Variants in RBL2 observed in about 807,000 individuals in gnomAD.
RBL2 encodes retinoblastoma-like protein 2.
In RBL2, 56 loss-of-function variants were observed where a neutral mutation model predicts 126.0. The ratio of observed to expected loss-of-function variants is 0.44; its 90% confidence interval spans 0.36 to 0.56. The LOEUF (loss-of-function observed/expected upper bound fraction) is 0.56. RBL2 is among the 20% of genes least tolerant of loss of function. The pLI is 0.00. For synonymous variants in RBL2, 454 were observed against 478.5 expected, an observed-to-expected ratio of 0.95 and a Z score of 0.67; for missense variants, 1,229 against 1,398.2, an observed-to-expected ratio of 0.88 and a Z score of 1.93.
intron 6 of RBL2, 29 bp from the exon 7 acceptor site, chr16:53,453,676 C>T (rs760742069): frequency 2.4e-5 from 38 of 1,603,388 alleles, no homozygotes; most frequent in African/African-American, 1.3e-4. Context: ...TTTAACATGA[C>T]GACTTAAGGA....
rs780168032 is a variant in RBL2, at chr16:53,464,294, TTA to T, written c.1632_1633del (p.Tyr544Ter). ...ACCLEVVTFS[Y>X]KPPGNFPFIT... The stretch of plus-strand genomic sequence containing the variant: ...GCTGCCTTGAGGTCGTCACTTTTTC[TTA>T]TAAGCCTCCTGGGAATTTTCCATTT... On this transcript the variant is annotated frameshift_variant, in exon 12 of 22. Transcript: ENST00000262133. LOFTEE classifies it high-confidence loss of function. 1 of 1,599,544 alleles carries T rather than the reference TTA, an allele frequency of 6.3e-7. No individual in the cohort carries two copies. The highest frequency in any genetic ancestry group is 8.6e-7 in the Non-Finnish European group (1 of 1,167,216).
intron 17 of RBL2, among the ~76,000 whole-genome samples, chr16:53,477,566 GA>G (rs1160670625): frequency 1.3e-5 from 2 of 151,954 alleles, no homozygotes; most frequent in African/African-American, 4.8e-5. Flanking sequence ...GGCTGGTGTC[GA>G]ACTCCTGGCC....
chr16:53,455,426 G>A (rs80092732), intron 8 of RBL2, among the ~76,000 whole-genome samples: 279 of 152,336 alleles, frequency 1.8e-3, no homozygotes, highest in African/African-American at 6.4e-3. Context: ...TCAGACTTGA[G>A]ACTGGTCTGC....
chr16:53,477,369 G>C (rs1482972660), intron 17 of RBL2, among the ~76,000 whole-genome samples: 1 of 151,924 alleles, frequency 6.6e-6, no homozygotes, highest in African/African-American at 2.4e-5. Flanking sequence ...ACTGAGTCTT[G>C]CTCTGTCGCC....
intron 17 of RBL2, among the ~76,000 whole-genome samples, chr16:53,474,638 T>C (rs1960657637): frequency 6.6e-6 from 1 of 152,182 alleles, no homozygotes; most frequent in Non-Finnish European, 1.5e-5. Flanking sequence ...TATATGTTGC[T>C]AGGTTTGGTT....
chr16:53,467,151 A>T lies in RBL2; in HGVS notation c.1957A>T (p.Thr653Ser), dbSNP rs1332346820. ...PRRVTEVRAD[T>S]GGLGRSITSP... is the part of the protein sequence containing the mutation. The stretch of plus-strand genomic sequence containing the variant: ...AAGGGTGACTGAAGTTCGTGCTGAT[A>T]CTGGAGGACTTGGAAGGAGTAAGTT... Residue 653 changes from threonine to serine, a missense_variant, in exon 14 of 22, where the codon ACT becomes TCT. By Grantham distance (58) the Thr-to-Ser change is moderately conservative. Transcript: ENST00000262133. 9 of 1,612,842 alleles carry T rather than the reference A, an allele frequency of 5.6e-6. No individual in the cohort carries two copies. The highest frequency in any genetic ancestry group is 7.6e-6 in the Non-Finnish European group (9 of 1,179,126).
At position 53,454,762 on chromosome 16, in the gene RBL2, A is replaced by AGGTGTC; in HGVS notation, c.1100_1105dup (p.Arg367_Cys368dup). On this transcript the variant is annotated inframe_insertion, in exon 8 of 22. Transcript: ENST00000262133. ...TGAGGAGGAAATTGGGACTCTCTCA[A>AGGTGTC]GGTGTCTGAACGCTGGTTCAGGAAC... 6.2e-7 allele frequency: 1 copy of AGGTGTC among 1,614,124 alleles called. No individual in the cohort carries two copies. Among genetic ancestry groups the AGGTGTC allele is most frequent in the Non-Finnish European group, 8.5e-7 (1 of 1,179,994 alleles).
In RBL2 at chr16:53,481,843, T is replaced by G. The variant is rs745751868; in HGVS notation, c.3249+8T>G. 2 of 1,567,998 alleles carry G rather than the reference T, an allele frequency of 1.3e-6. No homozygotes were observed. Among genetic ancestry groups the G allele is most frequent in the South Asian group, 2.2e-5 (2 of 90,170 alleles). On this transcript the variant is annotated splice_region_variant and intron_variant, in intron 21 of 21. Coordinates refer to ENST00000262133, the MANE Select transcript of RBL2 (RefSeq NM_005611.4). ...AGCAACAGTCCTTCAAAGGTGAGCC[T>G]AACATCAATCTTGGCCTTTACTAAC...
chr16:53,439,524 C>T (rs1308511403), intron 2 of RBL2, among the ~76,000 whole-genome samples: 1 of 152,032 alleles, frequency 6.6e-6, no homozygotes, highest in Non-Finnish European at 1.5e-5. Context: ...GTGCACAGGA[C>T]TTGTGGTCTT....
At position 53,454,617 on chromosome 16, in the gene RBL2, TGA is replaced by T. The variant is rs767379284; in HGVS notation, c.993-33_993-32del. 29 of 1,486,168 alleles carry T rather than the reference TGA, an allele frequency of 2.0e-5. No homozygotes were observed. In the Admixed American group the frequency reaches 5.5e-4, roughly 28 times the overall value. The allele number at this position is 1,486,168 out of a possible 1,614,324, so 92.1% of individuals were successfully genotyped here. A position where few individuals can be genotyped will look rare whatever the true frequency, so the allele number is the denominator to read the frequency against. On this transcript the variant is annotated intron_variant, in intron 7 of 21. Transcript: ENST00000262133. ...ATAATTAATTGAAATGGCAGTTCTG[TGA>T]GAGAGTACATTTTGTCTGTATTTGT...
At chr16:53,451,461 A>T (rs553452236) in intron 4 of RBL2, among the ~76,000 whole-genome samples, 1 of 152,212 alleles carries the variant, frequency 6.6e-6, no homozygotes, top group African/African-American at 2.4e-5. Context: ...AGCCATGATC[A>T]TACCACTGTA....
intron 1 of RBL2, among the ~76,000 whole-genome samples, 162 bp from the exon 2 acceptor site, chr16:53,438,843 CAAAAAAAAAAA>C (rs11302382): frequency 1.4e-3 from 44 of 30,532 alleles, no homozygotes; most frequent in Admixed American, 3.8e-3. Flanking sequence ...GATTCCATCT[CAAAAAAAAAAA>C]AAAAAAAAAA....
intron 12 of RBL2, chr16:53,464,654 CAT>C (rs1057292991): frequency 2.1e-5 from 5 of 234,068 alleles, no homozygotes; most frequent in Non-Finnish European, 3.2e-5. Context: ...AAGTAGCACA[CAT>C]GTCACTAGCT....
chr16:53,448,156 CTTTAT>C (rs200039957), intron 4 of RBL2, among the ~76,000 whole-genome samples: 2 of 111,756 alleles, frequency 1.8e-5, no homozygotes, highest in South Asian at 3.0e-4. Flanking sequence ...GCTTAACTTA[CTTTAT>C]TTTATTTTTT....
chr16:53,463,561 C>CTTTTTTTTTTTTTTTTTTT (rs770657237), intron 11 of RBL2, among the ~76,000 whole-genome samples: 1 of 94,406 alleles, frequency 1.1e-5, no homozygotes, highest in Non-Finnish European at 2.0e-5. Flanking sequence ...TTTTTTTTTC[C>CTTTTTTTTTTTTTTTTTTT]TTTTTTTTTT....
intron 4 of RBL2, 63 bp from the exon 5 acceptor site, chr16:53,451,640 A>G (rs2058115769): frequency 3.2e-6 from 5 of 1,550,092 alleles, no homozygotes; most frequent in East Asian, 4.5e-5. Context: ...AAAGGAAGAA[A>G]TTTTTTAAAA....
intron 21 of RBL2, among the ~76,000 whole-genome samples, chr16:53,483,189 A>G (rs1961024880): frequency 6.6e-6 from 1 of 152,202 alleles, no homozygotes; most frequent in African/African-American, 2.4e-5. Context: ...AGCAACTCTT[A>G]GACATTAATG....
Position 53,438,865 on chromosome 16 carries a change from AAAAAAAAG to A in RBL2, c.241-149_241-142del, listed in dbSNP as rs1340126095. On this transcript the variant is annotated intron_variant, in intron 1 of 21. Coordinates refer to ENST00000262133, the MANE Select transcript of RBL2 (RefSeq NM_005611.4). The stretch of plus-strand genomic sequence containing the variant: ...TCTCAAAAAAAAAAAAAAAAAAAAA[AAAAAAAAG>A]AGCGTATGAGATAGGGTCATCATTG... 7.4e-4 allele frequency: 248 copies of A among 334,856 alleles called. 2 individuals are homozygous for A. Among genetic ancestry groups the A allele is most frequent in the African/African-American group, 5.3e-3 (240 of 45,058 alleles). 20.7% of individuals were successfully genotyped at this position (334,856 alleles called of 1,614,324 possible).
intron 17 of RBL2, among the ~76,000 whole-genome samples, chr16:53,474,867 A>AT (rs1247366313): frequency 7.9e-5 from 12 of 151,282 alleles, no homozygotes; most frequent in Non-Finnish European, 1.8e-4. Context: ...TAGGTATTAT[A>AT]TTTTTTCCTT....
Sources: gnomAD v4.1 joint callset for allele counts (sites outside exome capture counted in the v4.1 genomes callset) on GRCh38, gnomAD v4.1.1 for gene constraint, MANE v1.5 for transcripts, NCBI Gene and HGNC (gene_info 2026-07-23, HGNC 2026-07-21) for gene names.